FGF10: variants seen among roughly 807,000 people sequenced by gnomAD.
FGF10 encodes fibroblast growth factor 10.
In FGF10, 2 loss-of-function variants were observed where a neutral mutation model predicts 19.8. The observed-to-expected ratio is 0.10, with a 90% confidence interval of 0.04 to 0.32. The LOEUF (loss-of-function observed/expected upper bound fraction) is 0.32, where lower values mean the gene tolerates loss of function less well. Ranked by LOEUF, FGF10 falls within the 10% of genes least tolerant of loss-of-function variation. The probability of loss-of-function intolerance (pLI) is 1.00; values close to 1 mark genes in which losing one functional copy is unlikely to be tolerated. For missense variants in FGF10, 191 were observed against 246.3 expected, an observed-to-expected ratio of 0.78 and a Z score of 1.50; for synonymous variants, 112 against 94.0, an observed-to-expected ratio of 1.19 and a Z score of -1.10.
At chr5:44,383,572 C>T (rs1439773259) in intron 1 of FGF10, among the ~76,000 whole-genome samples, 2 of 152,050 alleles carry the variant, frequency 1.3e-5, no homozygotes, top group African/African-American at 4.8e-5. Flanking sequence ...CCTTAGGTTT[C>T]TCCTCGTAGG....
chr5:44,312,922 G>C (rs754852558), intron 1 of FGF10, among the ~76,000 whole-genome samples: 1 of 151,920 alleles, frequency 6.6e-6, no homozygotes, highest in Non-Finnish European at 1.5e-5. Context: ...TTTTTGACCC[G>C]TTATTTCTGA....
intron 1 of FGF10, among the ~76,000 whole-genome samples, chr5:44,356,473 C>A (rs1435621300): frequency 1.3e-5 from 2 of 151,384 alleles, no homozygotes; most frequent in African/African-American, 2.4e-5. Context: ...CACTAGACAA[C>A]ATTTGGATAA....
chr5:44,314,874 T>A (rs1029960650), intron 1 of FGF10, among the ~76,000 whole-genome samples: 1 of 152,098 alleles, frequency 6.6e-6, no homozygotes, highest in Non-Finnish European at 1.5e-5. Context: ...TATTTTTCCA[T>A]AAACACAAAA....
At position 44,388,643 on chromosome 5, in the gene FGF10, G is replaced by T. The variant is rs754826334; in HGVS notation, c.40C>A (p.Pro14Thr). ...CAGCAGCAGCAGCCGGGCAGGTGGG[G>T]AAAGGCTGAGGCACAATGTGTCAGT... Reference protein sequence around the residue: ...WILTHCASAFPHLPGCCCCCF... With the variant: ...WILTHCASAFTHLPGCCCCCF... The change falls in exon 1 of 3, where the codon CCC becomes ACC. Residue 14 changes from proline to threonine, a missense_variant. Physicochemically the swap from Pro to Thr is conservative, Grantham distance 38 (BLOSUM62 -1). Around this residue, in one of 2 missense-constraint regions of FGF10, gnomAD observed 92 missense variants for 84.6 expected, o/e 1.09. Coordinates refer to ENST00000264664, the MANE Select transcript of FGF10 (RefSeq NM_004465.2). 6.2e-7 allele frequency: 1 copy of T among 1,614,036 alleles called. No homozygotes were observed. The highest frequency in any genetic ancestry group is 2.2e-5 in the East Asian group (1 of 44,846).
At chr5:44,335,590 T>C in intron 1 of FGF10, among the ~76,000 whole-genome samples, 1 of 152,108 alleles carries the variant, frequency 6.6e-6, no homozygotes, top group Admixed American at 6.6e-5. Context: ...AAAGGCCAAT[T>C]ACATTCTATT....
chr5:44,362,637 T>C (rs868531932), intron 1 of FGF10, among the ~76,000 whole-genome samples: 1 of 151,770 alleles, frequency 6.6e-6, no homozygotes, highest in Middle Eastern at 3.4e-3. Flanking sequence ...AGAGAACAAA[T>C]ACTCCCTCAG....
rs13178004 is a variant in FGF10, at chr5:44,325,557, C to G, written c.326-15027G>C. Among the ~76,000 whole-genome samples, 5 of 152,168 alleles carry G rather than the reference C, an allele frequency of 3.3e-5. No individual in the cohort carries two copies. The South Asian group carries it at 1.0e-3, about 32-fold the overall frequency. On this transcript the variant is annotated intron_variant, in intron 1 of 2. Coordinates refer to ENST00000264664, the MANE Select transcript of FGF10 (RefSeq NM_004465.2). ...ACACCATGGAATACTATGCAGCCAT[C>G]AAAAATGATGAGTTCATGTCCTTTG...
At chr5:44,309,338 A>G (rs1322808066) in intron 2 of FGF10, among the ~76,000 whole-genome samples, 4 of 152,180 alleles carry the variant, frequency 2.6e-5, no homozygotes, top group African/African-American at 9.7e-5. Context: ...ATGGATCCAC[A>G]TGCACAAACT....
intron 1 of FGF10, among the ~76,000 whole-genome samples, chr5:44,364,286 C>CA (rs1741555636): frequency 6.6e-6 from 1 of 151,762 alleles, no homozygotes; most frequent in East Asian, 2.0e-4. Context: ...TTGTCATAAT[C>CA]AAAAAAATGA....
intron 1 of FGF10, among the ~76,000 whole-genome samples, chr5:44,317,783 G>A (rs1413777243): frequency 6.6e-6 from 1 of 151,826 alleles, no homozygotes; most frequent in Non-Finnish European, 1.5e-5. Flanking sequence ...TAACATTATG[G>A]AAATATTTCA....
intron 2 of FGF10, 73 bp downstream of exon 2, chr5:44,310,354 T>C (rs1198878714): frequency 3.1e-6 from 3 of 977,758 alleles, no homozygotes; most frequent in Non-Finnish European, 4.9e-6. Context: ...CTATTCGGTG[T>C]CTGGAGGAAA....
At chr5:44,325,180 G>T (rs559981909) in intron 1 of FGF10, among the ~76,000 whole-genome samples, 1 of 152,106 alleles carries the variant, frequency 6.6e-6, no homozygotes, top group African/African-American at 2.4e-5. Context: ...CAAAACCACA[G>T]TGAGATACCA....
chr5:44,336,871 G>A (rs1248222308), intron 1 of FGF10, among the ~76,000 whole-genome samples: 3 of 152,100 alleles, frequency 2.0e-5, no homozygotes, highest in African/African-American at 7.2e-5. Flanking sequence ...GTGAAATCTA[G>A]ATAGAGGAAG....
At position 44,308,805 on chromosome 5, in the gene FGF10, C is replaced by T. The variant is rs573947199; in HGVS notation, c.429+1622G>A. ...CAAGGCTACTCTACATCCAGACCAG[C>T]GGTTCTCAAATTGTGGTTACTGCAC... On this transcript the variant is annotated intron_variant, in intron 2 of 2. Coordinates refer to ENST00000264664, the MANE Select transcript of FGF10 (RefSeq NM_004465.2). Among the ~76,000 whole-genome samples the T allele has an allele frequency of 3.3e-5, 5 of 152,222 alleles. No homozygotes were observed. In the East Asian group the frequency reaches 5.8e-4, roughly 18 times the overall value.
chr5:44,369,693 A>C (rs1329559348), intron 1 of FGF10, among the ~76,000 whole-genome samples: 1 of 152,088 alleles, frequency 6.6e-6, no homozygotes, highest in Non-Finnish European at 1.5e-5. Flanking sequence ...AAACTGACCT[A>C]ATCTCAGATT....
intron 1 of FGF10, among the ~76,000 whole-genome samples, chr5:44,382,058 G>T (rs371500034): frequency 6.6e-6 from 1 of 152,168 alleles, no homozygotes; most frequent in Non-Finnish European, 1.5e-5. Context: ...TATAGGTAAA[G>T]GTGGACAGGT....
intron 1 of FGF10, among the ~76,000 whole-genome samples, chr5:44,357,167 T>A (rs1446764233): frequency 6.6e-6 from 1 of 151,492 alleles, no homozygotes; most frequent in East Asian, 1.9e-4. Context: ...ATGAGTTATT[T>A]TTGTTTAGCA....
intron 1 of FGF10, among the ~76,000 whole-genome samples, chr5:44,324,504 G>A (rs976479188): frequency 2.0e-5 from 3 of 151,972 alleles, no homozygotes; most frequent in Admixed American, 6.6e-5. Flanking sequence ...ACATTTATTC[G>A]TCAAAATCTG....
intron 1 of FGF10, among the ~76,000 whole-genome samples, chr5:44,347,656 A>G (rs146563324): frequency 6.6e-6 from 1 of 151,764 alleles, no homozygotes; most frequent in African/African-American, 2.4e-5. Context: ...ACATGAATAA[A>G]TCATACAGGA....
Sources: gnomAD v4.1 joint callset for allele counts (sites outside exome capture counted in the v4.1 genomes callset) on GRCh38, gnomAD v4.1.1 for gene constraint, gnomAD v4.1.1 regional missense constraint, MANE v1.5 for transcripts, NCBI Gene and HGNC (gene_info 2026-07-23, HGNC 2026-07-21) for gene names.